LRP12: variants seen among roughly 807,000 people sequenced by gnomAD.
LRP12 encodes low-density lipoprotein receptor-related protein 12.
Under a neutral mutation model 66.0 loss-of-function variants are expected in LRP12, and 14 were observed. That is an observed-to-expected ratio of 0.21 (90% CI 0.14 to 0.33). The LOEUF (loss-of-function observed/expected upper bound fraction) is 0.33, where lower values mean the gene tolerates loss of function less well. Among genes scored for constraint, LRP12 ranks in the 10% least tolerant of loss-of-function variants. LRP12 has a pLI of 1.00. For missense variants in LRP12, 889 were observed against 1,053.4 expected (o/e 0.84, Z 2.16); for synonymous variants, 357 against 359.1 (o/e 0.99, Z 0.07).
intron 4 of LRP12, among the ~76,000 whole-genome samples, chr8:104,499,079 T>C (rs775225443): frequency 2.0e-5 from 3 of 152,212 alleles, no homozygotes; most frequent in Non-Finnish European, 4.4e-5. Context: ...GTATTTAAGA[T>C]GTTTAAAAAG....
At chr8:104,561,299 C>G (rs572851752) in intron 1 of LRP12, among the ~76,000 whole-genome samples, 1 of 152,156 alleles carries the variant, frequency 6.6e-6, no homozygotes, top group South Asian at 2.1e-4. Context: ...ATGTTTCATA[C>G]GTATGACAGA....
rs9694676 is a variant in LRP12, at chr8:104,588,948, A to G, written c.-51T>C. On this transcript the variant is annotated 5_prime_UTR_variant, in exon 1 of 7. Transcript: ENST00000276654. ...GAGGAGACGGAGGAGGAGGGAGGAGAAGCTGGAGGTAGACGACGCCGACGC... is the reference window on the plus strand; with the variant it reads ...GAGGAGACGGAGGAGGAGGGAGGAGGAGCTGGAGGTAGACGACGCCGACGC... 182,002 of 1,364,436 alleles carry G rather than the reference A, an allele frequency of 0.13. 15,169 individuals carry two copies. Among genetic ancestry groups the G allele is most frequent in the African/African-American group, 0.35 (23,304 of 66,694 alleles). 84.5% of individuals were successfully genotyped at this position (1,364,436 alleles called of 1,614,324 possible).
intron 6 of LRP12, among the ~76,000 whole-genome samples, chr8:104,493,203 T>C (rs1810665289): frequency 6.6e-6 from 1 of 152,234 alleles, no homozygotes; most frequent in Non-Finnish European, 1.5e-5. Context: ...CTTCAGTTTA[T>C]GAAGGAGAAA....
chr8:104,531,484 C>T lies in LRP12; in HGVS notation c.136+423G>A, dbSNP rs368214597. 2.6e-5 allele frequency among the ~76,000 whole-genome samples: 4 copies of T among 152,108 alleles called. No individual in the cohort carries two copies. In the East Asian group the frequency reaches 7.7e-4, roughly 29 times the overall value. ...CTTTTAACAGCAAATAAACTGTGCGCTCAAATACAATAGTTATATGTAGAG... is the reference window on the plus strand; with the variant it reads ...CTTTTAACAGCAAATAAACTGTGCGTTCAAATACAATAGTTATATGTAGAG... On this transcript the variant is annotated intron_variant, in intron 2 of 6. Transcript: ENST00000276654.
intron 3 of LRP12, among the ~76,000 whole-genome samples, chr8:104,501,686 A>G (rs1298089725): frequency 2.0e-5 from 3 of 149,484 alleles, no homozygotes; most frequent in Non-Finnish European, 4.4e-5. Context: ...CCTGGGCGAC[A>G]GAGCAAGACT....
rs952990092 is a variant in LRP12 at position 104,499,597 on chromosome 8, T to C, written c.273-78A>G. The stretch of plus-strand genomic sequence containing the variant: ...TCGTATTACAAAGTAACTGAGGATA[T>C]TATTATAAGCCTCCATATACTGACT... On this transcript the variant is annotated intron_variant, in intron 3 of 6. Coordinates refer to ENST00000276654, the MANE Select transcript of LRP12 (RefSeq NM_013437.5). 10 of 950,316 alleles carry C rather than the reference T, an allele frequency of 1.1e-5. No individual in the cohort carries two copies. The East Asian group carries it at 2.2e-4, about 21-fold the overall frequency. 58.9% of individuals were successfully genotyped at this position (950,316 alleles called of 1,614,324 possible).
At chr8:104,559,208 G>A (rs1811863155) in intron 1 of LRP12, among the ~76,000 whole-genome samples, 1 of 152,100 alleles carries the variant, frequency 6.6e-6, no homozygotes, top group Non-Finnish European at 1.5e-5. Context: ...CCAGTGCAAA[G>A]TCCCATCAAT....
chr8:104,572,165 T>C (rs1812088969), intron 1 of LRP12, among the ~76,000 whole-genome samples: 1 of 152,216 alleles, frequency 6.6e-6, no homozygotes, highest in Non-Finnish European at 1.5e-5. Flanking sequence ...AATGGTTATG[T>C]GTTGGACAAT....
At chr8:104,558,602 A>G (rs1811850777) in intron 1 of LRP12, among the ~76,000 whole-genome samples, 1 of 152,208 alleles carries the variant, frequency 6.6e-6, no homozygotes, top group Non-Finnish European at 1.5e-5. Flanking sequence ...AAAGACAAAT[A>G]GATGGGACTT....
chr8:104,499,291 AAT>A (rs769045542), intron 4 of LRP12, 24 bp downstream of exon 4: 2 of 1,573,378 alleles, frequency 1.3e-6, no homozygotes, highest in Non-Finnish European at 1.7e-6. Context: ...AATTCAGTTC[AAT>A]ATCTTTCTTA....
chr8:104,567,385 TACTC>T (rs1202245470), intron 1 of LRP12, among the ~76,000 whole-genome samples: 2 of 152,076 alleles, frequency 1.3e-5, no homozygotes, highest in African/African-American at 4.8e-5. Flanking sequence ...TCAGGAGACT[TACTC>T]ACTATCACGA....
intron 1 of LRP12, among the ~76,000 whole-genome samples, chr8:104,555,938 A>C (rs1290482840): frequency 1.3e-5 from 2 of 152,216 alleles, no homozygotes; most frequent in Non-Finnish European, 2.9e-5. Flanking sequence ...AAATTTAAGA[A>C]AATAAAAATT....
At chr8:104,543,853 C>T (rs557171262) in intron 1 of LRP12, among the ~76,000 whole-genome samples, 3 of 152,084 alleles carry the variant, frequency 2.0e-5, no homozygotes, top group South Asian at 2.1e-4. Context: ...ACCTGCGAGG[C>T]GGAGGTTGCA....
chr8:104,503,328 CAAAAAAAAAAAAAAAA>C (rs59353283), intron 3 of LRP12, among the ~76,000 whole-genome samples: 2 of 30,070 alleles, frequency 6.7e-5, no homozygotes, highest in East Asian at 1.6e-3. Context: ...CTGTGTCTCT[CAAAAAAAAAAAAAAAA>C]AAAAAAAAAA....
At chr8:104,577,390 T>C (rs113601174) in intron 1 of LRP12, among the ~76,000 whole-genome samples, 11 of 152,286 alleles carry the variant, frequency 7.2e-5, no homozygotes, top group East Asian at 1.9e-4. Flanking sequence ...TCTTGAACCA[T>C]AGTGCAATCA....
chr8:104,547,633 AAT>A (rs1257651341), intron 1 of LRP12, among the ~76,000 whole-genome samples: 7 of 125,496 alleles, frequency 5.6e-5, no homozygotes, highest in Non-Finnish European at 1.1e-4. Context: ...ATATATAATA[AAT>A]ATATATTAAT....
At chr8:104,501,964 C>T (rs552435855) in intron 3 of LRP12, among the ~76,000 whole-genome samples, 2 of 152,226 alleles carry the variant, frequency 1.3e-5, no homozygotes, top group South Asian at 2.1e-4. Context: ...TTAGTTTTTA[C>T]ATTTATAGCT....
chr8:104,509,945 A>G (rs938698457), intron 2 of LRP12, among the ~76,000 whole-genome samples: 9 of 152,166 alleles, frequency 5.9e-5, no homozygotes, highest in South Asian at 2.1e-4. Context: ...GGTATCCCTC[A>G]TAGATAAGGA....
Position 104,511,030 on chromosome 8 carries a change from C to CTTTTT in LRP12, c.137-1961_137-1957dup, listed in dbSNP as rs11350393. ...TTACAATTGTAATTTGGAAAAATGACTTTTTTTTTTTTTTTTTTTTTTTTT... is the reference window on the plus strand; with the variant it reads ...TTACAATTGTAATTTGGAAAAATGACTTTTTTTTTTTTTTTTTTTTTTTTTTTTTT... On this transcript the variant is annotated intron_variant, in intron 2 of 6. Coordinates refer to ENST00000276654, the MANE Select transcript of LRP12 (RefSeq NM_013437.5). Among the ~76,000 whole-genome samples, 4 of 54,324 alleles carry CTTTTT rather than the reference C, an allele frequency of 7.4e-5. 1 individual carries two copies. Among genetic ancestry groups the CTTTTT allele is most frequent in the African/African-American group, 2.2e-4 (3 of 13,780 alleles). The allele number at this position is 54,324 out of a possible 152,430, so 35.6% of individuals were successfully genotyped here. A position where few individuals can be genotyped will look rare whatever the true frequency, so the allele number is the denominator to read the frequency against.
Sources: allele counts gnomAD v4.1 joint callset (sites outside exome capture counted in the v4.1 genomes callset), GRCh38; gene constraint gnomAD v4.1.1; transcripts MANE v1.5; gene names NCBI Gene and HGNC (gene_info 2026-07-23, HGNC 2026-07-21).